DNAH6: variants seen among roughly 807,000 people sequenced by gnomAD.
DNAH6 encodes dynein axonemal heavy chain 6.
Under a neutral mutation model 491.4 loss-of-function variants are expected in DNAH6, and 340 were observed. The ratio of observed to expected loss-of-function variants is 0.69; its 90% confidence interval spans 0.63 to 0.76. The LOEUF (loss-of-function observed/expected upper bound fraction) is 0.76. Among genes scored for constraint, DNAH6 ranks in the 30% least tolerant of loss-of-function variants. The probability of loss-of-function intolerance (pLI) is 0.00; values close to 1 mark genes in which losing one functional copy is unlikely to be tolerated. For missense variants in DNAH6, 4,443 were observed against 4,972.2 expected, an observed-to-expected ratio of 0.89 and a Z score of 3.20; for synonymous variants, 1,603 against 1,686.1, an observed-to-expected ratio of 0.95 and a Z score of 1.21.
intron 22 of DNAH6, 65 bp from the exon 23 acceptor site, chr2:84,616,820 TA>T (rs1341619633): frequency 9.3e-6 from 7 of 749,110 alleles, no homozygotes; most frequent in Middle Eastern, 2.8e-4. Flanking sequence ...TTTAAAGTGA[TA>T]TTTTTTCAGA....
At chr2:84,781,028 T>G (rs1345632247) in intron 64 of DNAH6, among the ~76,000 whole-genome samples, 1 of 152,236 alleles carries the variant, frequency 6.6e-6, no homozygotes, top group Admixed American at 6.5e-5. Context: ...GTGGTACATG[T>G]GCACATTTGC....
chr2:84,556,044 T>C (rs557392572), intron 10 of DNAH6, among the ~76,000 whole-genome samples: 3 of 152,356 alleles, frequency 2.0e-5, no homozygotes, highest in African/African-American at 7.2e-5. Flanking sequence ...GTCCCTTTCC[T>C]GCTTAAAATT....
the DNAH6 span, among the ~76,000 whole-genome samples, chr2:84,492,246 ACC>A: frequency 2.9e-4 from 44 of 152,320 alleles, no homozygotes; most frequent in African/African-American, 1.1e-3. Flanking sequence ...TTAGTAGGCT[ACC>A]CACCTTCAAA....
chr2:84,803,185 G>A (rs189709350), intron 70 of DNAH6, among the ~76,000 whole-genome samples: 5 of 152,118 alleles, frequency 3.3e-5, no homozygotes, highest in East Asian at 3.9e-4. Context: ...AACTAAACTC[G>A]AAGAATGCAG....
At chr2:84,490,101 C>T in the DNAH6 span, among the ~76,000 whole-genome samples, 1 of 152,116 alleles carries the variant, frequency 6.6e-6, no homozygotes, top group Non-Finnish European at 1.5e-5. Flanking sequence ...TTTTTTAATA[C>T]TTGGACTTTT....
chr2:84,652,249 A>G (rs987649772), intron 33 of DNAH6, among the ~76,000 whole-genome samples: 2 of 152,058 alleles, frequency 1.3e-5, no homozygotes, highest in Non-Finnish European at 2.9e-5. Context: ...TTATATTAAC[A>G]TAAGTGGTTT....
chr2:84,544,592 T>C (rs1197347255), intron 5 of DNAH6, 92 bp downstream of exon 5: 1 of 732,898 alleles, frequency 1.4e-6, no homozygotes, highest in Non-Finnish European at 2.1e-6. Flanking sequence ...GTTCTTGAAA[T>C]CAAATATTTT....
intron 52 of DNAH6, 149 bp from the exon 53 acceptor site, chr2:84,706,747 A>G (rs1226694016): frequency 1.2e-6 from 1 of 826,612 alleles, no homozygotes; most frequent in Non-Finnish European, 1.8e-6. Context: ...ACTCTAATTT[A>G]TATTTGTTTT....
At position 84,571,299 on chromosome 2, in the gene DNAH6, A is replaced by C. The variant is rs563152485; in HGVS notation, c.1804-2168A>C. 2.6e-5 allele frequency among the ~76,000 whole-genome samples: 4 copies of C among 152,322 alleles called. No homozygotes were observed. The South Asian group carries it at 8.3e-4, about 32-fold the overall frequency. On this transcript the variant is annotated intron_variant, in intron 11 of 76. Coordinates refer to ENST00000389394, the MANE Select transcript of DNAH6 (RefSeq NM_001370.2). ...ATGCGTATGCAAAAGTATAATAAGA[A>C]ATGGGTTATTTACATAGCCTCAAAT...
intron 37 of DNAH6, among the ~76,000 whole-genome samples, chr2:84,661,422 G>A (rs1312316980): frequency 6.6e-6 from 1 of 152,026 alleles, no homozygotes; most frequent in Non-Finnish European, 1.5e-5. Context: ...AAAAATGACT[G>A]AATATGTAGA....
At chr2:84,793,761 C>A (rs1054082883) in intron 68 of DNAH6, among the ~76,000 whole-genome samples, 1 of 152,212 alleles carries the variant, frequency 6.6e-6, no homozygotes, top group Admixed American at 6.5e-5. Context: ...CTTCCCCTCT[C>A]CCTGAGTGGC....
At chr2:84,586,717 G>C (rs764457514) in intron 15 of DNAH6, among the ~76,000 whole-genome samples, 2 of 152,104 alleles carry the variant, frequency 1.3e-5, no homozygotes, top group Admixed American at 6.5e-5. Flanking sequence ...GGAAATTAGG[G>C]GACAGGGTTA....
intron 33 of DNAH6, among the ~76,000 whole-genome samples, chr2:84,651,439 G>A (rs1690445723): frequency 6.6e-6 from 1 of 152,202 alleles, no homozygotes; most frequent in African/African-American, 2.4e-5. Context: ...CTCAGTGTCT[G>A]CTGGTGAGGG....
Position 84,817,919 on chromosome 2 carries a change from C to T in DNAH6, c.12374-1386C>T, listed in dbSNP as rs753417457. Among the ~76,000 whole-genome samples the T allele has an allele frequency of 3.9e-5, 6 of 152,190 alleles. No individual in the cohort carries two copies. The South Asian group carries it at 8.3e-4, about 21-fold the overall frequency. On this transcript the variant is annotated intron_variant, in intron 76 of 76. Transcript: ENST00000389394. ...CCATTCCAAGGAGTATTAATCTACT[C>T]ATCAGGGATCTGACCCCCATCAGCC...
chr2:84,797,781 T>G, intron 70 of DNAH6, 123 bp downstream of exon 70: 1 of 923,568 alleles, frequency 1.1e-6, no homozygotes, highest in Non-Finnish European at 1.6e-6. Flanking sequence ...AAATAATTGT[T>G]TCACCTTGAC....
intron 37 of DNAH6, among the ~76,000 whole-genome samples, chr2:84,661,876 G>A (rs985097421): frequency 4.6e-5 from 7 of 152,144 alleles, no homozygotes; most frequent in African/African-American, 1.7e-4. Flanking sequence ...TTAACTACAT[G>A]ACTTGAATAA....
chr2:84,590,344 A>G (rs1683990317), intron 16 of DNAH6, among the ~76,000 whole-genome samples: 1 of 151,874 alleles, frequency 6.6e-6, no homozygotes, highest in African/African-American at 2.4e-5. Flanking sequence ...AAATACAAAA[A>G]ATTAGCTGGG....
intron 11 of DNAH6, 40 bp downstream of exon 11, chr2:84,557,975 A>C (rs1680236795): frequency 8.4e-6 from 11 of 1,306,112 alleles, no homozygotes; most frequent in Non-Finnish European, 1.0e-5. Flanking sequence ...TAATATTCTC[A>C]ATTTTTATGA....
At chr2:84,602,797 G>GTTTTTTTTT (rs70949898) in intron 18 of DNAH6, among the ~76,000 whole-genome samples, 2 of 121,856 alleles carry the variant, frequency 1.6e-5, no homozygotes, top group African/African-American at 3.2e-5. Flanking sequence ...TGGATGCTCT[G>GTTTTTTTTT]TTTTTTTTTT....
Sources: allele counts gnomAD v4.1 joint callset (sites outside exome capture counted in the v4.1 genomes callset), GRCh38; gene constraint gnomAD v4.1.1; transcripts MANE v1.5; gene names NCBI Gene and HGNC (gene_info 2026-07-23, HGNC 2026-07-21).